Variants in DENND1A observed in about 807,000 individuals in gnomAD.
The protein encoded by DENND1A is DENN domain-containing protein 1A.
In DENND1A, 51 loss-of-function variants were observed where a neutral mutation model predicts 113.7. The ratio of observed to expected loss-of-function variants is 0.45; its 90% CI spans 0.36 to 0.57. The LOEUF is 0.57. Ranked by LOEUF, DENND1A falls within the 20% of genes least tolerant of loss-of-function variation. DENND1A has a pLI of 0.00. For missense variants in DENND1A, 1,258 were observed against 1,395.9 expected (o/e 0.90, Z 1.57); for synonymous variants, 565 against 570.8 (o/e 0.99, Z 0.14).
chr9:123,770,012 C>T (rs913795921), intron 3 of DENND1A, among the ~76,000 whole-genome samples: 9 of 152,154 alleles, frequency 5.9e-5, no homozygotes, highest in African/African-American at 1.7e-4. Context: ...TTCCCAACAT[C>T]AATAGGCCAA....
At chr9:123,506,926 C>A (rs570848984) in intron 13 of DENND1A, among the ~76,000 whole-genome samples, 1 of 152,318 alleles carries the variant, frequency 6.6e-6, no homozygotes, top group East Asian at 1.9e-4. Context: ...GGCTTAACGC[C>A]TATAATCACA....
At chr9:123,707,774 A>G (rs566079820) in intron 5 of DENND1A, among the ~76,000 whole-genome samples, 25 of 152,306 alleles carry the variant, frequency 1.6e-4, no homozygotes, top group African/African-American at 6.0e-4. Context: ...TAAAGGGAAG[A>G]GGAAATAGAG....
chr9:123,414,572 T>C, intron 19 of DENND1A: 1 of 1,550,498 alleles, frequency 6.4e-7, no homozygotes, highest in Non-Finnish European at 8.7e-7. Context: ...CTTGCTCCTT[T>C]TGGGGATTCA....
intron 2 of DENND1A, among the ~76,000 whole-genome samples, chr9:123,798,786 C>G (rs551001271): frequency 6.8e-6 from 1 of 147,992 alleles, no homozygotes; most frequent in Non-Finnish European, 1.5e-5. Flanking sequence ...ACCTTTTTCT[C>G]TACTGAATAT....
At chr9:123,774,947 C>T (rs1259570494) in intron 3 of DENND1A, among the ~76,000 whole-genome samples, 1 of 152,134 alleles carries the variant, frequency 6.6e-6, no homozygotes, top group Non-Finnish European at 1.5e-5. Flanking sequence ...CTTTATACAC[C>T]TTCATGACCT....
intron 20 of DENND1A, among the ~76,000 whole-genome samples, chr9:123,406,693 C>T (rs566728567): frequency 6.6e-6 from 1 of 152,364 alleles, no homozygotes; most frequent in Non-Finnish European, 1.5e-5. Flanking sequence ...TGCACCCCTT[C>T]TGACTCTGCA....
At chr9:123,727,705 T>G (rs1307096290) in intron 5 of DENND1A, among the ~76,000 whole-genome samples, 2 of 146,768 alleles carry the variant, frequency 1.4e-5, no homozygotes, top group Non-Finnish European at 3.0e-5. Context: ...TTAGCACCAA[T>G]AAGGGAAAGA....
intron 11 of DENND1A, among the ~76,000 whole-genome samples, chr9:123,585,674 G>A (rs916543451): frequency 2.0e-5 from 3 of 152,166 alleles, no homozygotes; most frequent in African/African-American, 7.2e-5. Flanking sequence ...CACACTTCAG[G>A]CTCACACAGC....
At chr9:123,718,497 T>C (rs1006999908) in intron 5 of DENND1A, among the ~76,000 whole-genome samples, 3 of 152,232 alleles carry the variant, frequency 2.0e-5, no homozygotes, top group Middle Eastern at 3.2e-3. Context: ...ATAATGTGAT[T>C]ATAGTTGCAG....
intron 5 of DENND1A, among the ~76,000 whole-genome samples, chr9:123,723,652 C>G (rs1022588965): frequency 3.9e-5 from 6 of 152,164 alleles, no homozygotes; most frequent in African/African-American, 1.4e-4. Flanking sequence ...TGCACCAGCT[C>G]TATTTGCTTG....
intron 13 of DENND1A, among the ~76,000 whole-genome samples, chr9:123,530,272 G>A (rs1393713748): frequency 6.6e-6 from 1 of 152,114 alleles, no homozygotes; most frequent in African/African-American, 2.4e-5. Flanking sequence ...TAAAATCACA[G>A]AATATAAGGC....
At chr9:123,620,754 A>T (rs2060917920) in intron 10 of DENND1A, among the ~76,000 whole-genome samples, 1 of 152,048 alleles carries the variant, frequency 6.6e-6, no homozygotes, top group Non-Finnish European at 1.5e-5. Flanking sequence ...TTCTGTCTGA[A>T]ACTAAATTCC....
intron 1 of DENND1A, among the ~76,000 whole-genome samples, chr9:123,880,929 C>T (rs1176833579): frequency 6.6e-6 from 1 of 152,098 alleles, no homozygotes; most frequent in Non-Finnish European, 1.5e-5. Context: ...GCATTTTACA[C>T]TCACTAAAAA....
At position 123,913,552 on chromosome 9, in the gene DENND1A, G is replaced by GA. The variant is rs573249299; in HGVS notation, c.17+16336dup. On this transcript the variant is annotated intron_variant, in intron 1 of 23. Coordinates refer to ENST00000394215, the MANE Select transcript of DENND1A (RefSeq NM_001352964.2). ...CAATAAAAGCAAATAATGCAAGAGGGAAAAAAAGATTTAAGAAACTCTGGA... is the reference window on the plus strand; with the variant it reads ...CAATAAAAGCAAATAATGCAAGAGGGAAAAAAAAGATTTAAGAAACTCTGGA... 9.5e-4 allele frequency among the ~76,000 whole-genome samples: 144 copies of GA among 151,894 alleles called. 2 individuals carry two copies. In the South Asian group the frequency reaches 0.029, roughly 30 times the overall value.
intron 4 of DENND1A, among the ~76,000 whole-genome samples, chr9:123,763,500 T>C (rs185327987): frequency 1.3e-5 from 2 of 152,262 alleles, no homozygotes; most frequent in South Asian, 2.1e-4. Context: ...TAAATAGAAA[T>C]GTCAAGTACA....
intron 5 of DENND1A, among the ~76,000 whole-genome samples, chr9:123,686,573 T>A (rs1403817917): frequency 1.3e-5 from 2 of 152,216 alleles, no homozygotes; most frequent in African/African-American, 4.8e-5. Flanking sequence ...ATGTGTCAGC[T>A]CTTTATTGCT....
At chr9:123,425,732 G>A (rs2045671562) in intron 19 of DENND1A, among the ~76,000 whole-genome samples, 1 of 152,236 alleles carries the variant, frequency 6.6e-6, no homozygotes, top group South Asian at 2.1e-4. Context: ...TCCCCAGCAA[G>A]CCAGCATAGG....
intron 11 of DENND1A, among the ~76,000 whole-genome samples, chr9:123,603,880 TG>T (rs1233726281): frequency 6.6e-6 from 1 of 152,244 alleles, no homozygotes; most frequent in Non-Finnish European, 1.5e-5. Flanking sequence ...CTGACCCATC[TG>T]AATTTTATGT....
intron 2 of DENND1A, among the ~76,000 whole-genome samples, chr9:123,827,147 A>G (rs1028772402): frequency 2.6e-5 from 4 of 152,164 alleles, no homozygotes; most frequent in African/African-American, 9.6e-5. Flanking sequence ...TTATTCATGC[A>G]TATAAAAAAT....
Sources: allele counts gnomAD v4.1 joint callset (sites outside exome capture counted in the v4.1 genomes callset), GRCh38; gene constraint gnomAD v4.1.1; transcripts MANE v1.5; gene names NCBI Gene and HGNC (gene_info 2026-07-23, HGNC 2026-07-21).